ZNG1C: variants seen among roughly 807,000 people sequenced by gnomAD.
The protein encoded by ZNG1C is Zn regulated GTPase metalloprotein activator 1C, also known as zinc-regulated GTPase metalloprotein activator 1C.
the ZNG1C span, among the ~76,000 whole-genome samples, chr9:68,257,718 T>C: frequency 4.2e-5 from 5 of 119,248 alleles, no homozygotes; most frequent in African/African-American, 6.7e-5. Context: ...ACCTGAACAC[T>C]TTTGGGCAAT....
At chr9:68,246,243 T>TA in the ZNG1C span, among the ~76,000 whole-genome samples, 1 of 113,822 alleles carries the variant, frequency 8.8e-6, no homozygotes, top group Admixed American at 9.8e-5. Context: ...CAATATCTAT[T>TA]AGACGATTTC....
At chr9:68,283,627 C>CTT in the ZNG1C span, among the ~76,000 whole-genome samples, 3 of 31,680 alleles carry the variant, frequency 9.5e-5, no homozygotes, top group Non-Finnish European at 2.4e-4. Context: ...ATTTGCCTTT[C>CTT]TTTTTTTTTT....
At chr9:68,268,334 T>G in the ZNG1C span, among the ~76,000 whole-genome samples, 2,988 of 139,966 alleles carry the variant, frequency 0.021, 21 homozygotes, top group South Asian at 0.061. Flanking sequence ...ACTTTTTGGT[T>G]CCATACAAAG....
the ZNG1C span, among the ~76,000 whole-genome samples, chr9:68,275,323 T>A: frequency 8.3e-3 from 1,092 of 132,110 alleles, no homozygotes; most frequent in Middle Eastern, 0.02. Flanking sequence ...GAGTTTTTTT[T>A]TAATTTATTT....
the ZNG1C span, among the ~76,000 whole-genome samples, chr9:68,275,303 A>AT: frequency 2.1e-5 from 3 of 139,582 alleles, no homozygotes; most frequent in Admixed American, 2.3e-4. Flanking sequence ...TTTATTTTTT[A>AT]TTTTTTCTTG....
the ZNG1C span, among the ~76,000 whole-genome samples, chr9:68,296,329 AG>A: frequency 6.6e-6 from 1 of 152,064 alleles, no homozygotes; most frequent in African/African-American, 2.4e-5. Context: ...AAGGGTGGGA[AG>A]GGGATGAGGA....
At chr9:68,260,077 C>T in the ZNG1C span, among the ~76,000 whole-genome samples, 2 of 150,468 alleles carry the variant, frequency 1.3e-5, no homozygotes, top group African/African-American at 2.5e-5. Flanking sequence ...CAGAAAAATT[C>T]CAATGACTGT....
At chr9:68,274,035 T>G in the ZNG1C span, 1 of 147,588 alleles carries the variant, frequency 6.8e-6, no homozygotes, top group East Asian at 2.0e-4. Context: ...AGACAGGGTT[T>G]CACCACGTTG....
At chr9:68,259,791 A>G in the ZNG1C span, among the ~76,000 whole-genome samples, 2 of 152,270 alleles carry the variant, frequency 1.3e-5, no homozygotes, top group African/African-American at 4.8e-5. Flanking sequence ...GATTACAGGC[A>G]TGAGCCACCA....
the ZNG1C span, among the ~76,000 whole-genome samples, chr9:68,296,634 C>G: frequency 1.3e-3 from 174 of 131,632 alleles, no homozygotes; most frequent in Admixed American, 1.5e-3. Context: ...GGAAGTTATG[C>G]AAAGATGTGC....
chr9:68,275,977 C>G, the ZNG1C span, among the ~76,000 whole-genome samples: 36 of 151,126 alleles, frequency 2.4e-4, 1 homozygote, highest in Admixed American at 2.4e-3. Context: ...TGTTTCCTGA[C>G]TTTTTAATGA....
At chr9:68,255,925 T>C in the ZNG1C span, among the ~76,000 whole-genome samples, 1 of 151,580 alleles carries the variant, frequency 6.6e-6, no homozygotes, top group Non-Finnish European at 1.5e-5. Context: ...CCCCTGTTAC[T>C]CACAAATCCT....
At chr9:68,292,091 A>G in the ZNG1C span, among the ~76,000 whole-genome samples, 9 of 152,094 alleles carry the variant, frequency 5.9e-5, no homozygotes, top group Non-Finnish European at 1.2e-4. Context: ...AGCAATCACT[A>G]CAGCTCAGCT....
the ZNG1C span, among the ~76,000 whole-genome samples, chr9:68,292,017 C>T: frequency 1.3e-5 from 2 of 151,702 alleles, no homozygotes; most frequent in Non-Finnish European, 2.9e-5. Flanking sequence ...TCTGTGCAGA[C>T]TACCCCCCAG....
At chr9:68,299,928 TATA>T in the ZNG1C span, 1 of 152,546 alleles carries the variant, frequency 6.6e-6, no homozygotes, top group Non-Finnish European at 1.5e-5. Flanking sequence ...ATTGCAGAGA[TATA>T]ATGATTACAT....
At chr9:68,288,351 A>T in the ZNG1C span, among the ~76,000 whole-genome samples, 1 of 152,134 alleles carries the variant, frequency 6.6e-6, no homozygotes, top group Admixed American at 6.5e-5. Context: ...CAAATGCTTC[A>T]TGAGGATAGT....
chr9:68,257,108 G>C, the ZNG1C span: 1 of 1,120,170 alleles, frequency 8.9e-7, no homozygotes, highest in East Asian at 4.8e-5. Flanking sequence ...CATGATCTCG[G>C]CTCACTGCAA....
the ZNG1C span, chr9:68,259,494 C>G: frequency 1.8e-6 from 1 of 552,232 alleles, no homozygotes; most frequent in Non-Finnish European, 2.8e-6. Flanking sequence ...TGTATCCAAC[C>G]TCATATCTGA....
the ZNG1C span, among the ~76,000 whole-genome samples, chr9:68,291,710 C>G: frequency 6.7e-6 from 1 of 149,734 alleles, no homozygotes; most frequent in South Asian, 2.1e-4. Flanking sequence ...CTTCTCTTAT[C>G]AAGCAAGAAA....
Sources: gnomAD v4.1 joint callset for allele counts (sites outside exome capture counted in the v4.1 genomes callset) on GRCh38, gnomAD v4.1.1 for gene constraint, MANE v1.5 for transcripts, NCBI Gene and HGNC (gene_info 2026-07-23, HGNC 2026-07-21) for gene names.